The following CSNK1D variants were observed in gnomAD, a reference collection of about 807,000 sequenced individuals.
CSNK1D encodes the protein casein kinase 1 delta, also known as casein kinase I isoform delta.
A neutral mutation model predicts 46.6 loss-of-function variants in CSNK1D; 16 were observed. The ratio of observed to expected loss-of-function variants is 0.34; its 90% CI spans 0.23 to 0.52. CSNK1D has a LOEUF of 0.52. CSNK1D is among the 20% of genes least tolerant of loss of function. The probability of loss-of-function intolerance (pLI) is 0.95; values close to 1 mark genes in which losing one functional copy is unlikely to be tolerated. For missense variants in CSNK1D, 398 were observed against 578.4 expected (o/e 0.69, Z 3.20); for synonymous variants, 276 against 228.2 (o/e 1.21, Z -1.89).
intron 2 of CSNK1D, among the ~76,000 whole-genome samples, chr17:82,263,139 C>A (rs1378439734): frequency 6.6e-6 from 1 of 152,158 alleles, no homozygotes; most frequent in African/African-American, 2.4e-5. Context: ...AAGATTGCGC[C>A]ATTGCACTCC....
chr17:82,255,881 G>A lies in CSNK1D; in HGVS notation c.188-304C>T, dbSNP rs2051163319. Among the ~76,000 whole-genome samples the A allele has an allele frequency of 6.6e-6, 1 of 152,228 alleles. No homozygotes were observed. The highest frequency in any genetic ancestry group is 6.5e-5 in the Admixed American group (1 of 15,270). On this transcript the variant is annotated intron_variant, in intron 2 of 8. Coordinates refer to ENST00000314028, the MANE Select transcript of CSNK1D (RefSeq NM_001893.6). This position sits in a 1 kb window ranked among gnomAD's most constrained non-coding sequence, Gnocchi z 5.9. ...CGTCTTCTAGGGCAGGGGGGCAGGAGACACAGAAAGCAGCCACGATGTGGG... is the reference window on the plus strand; with the variant it reads ...CGTCTTCTAGGGCAGGGGGGCAGGAAACACAGAAAGCAGCCACGATGTGGG...
intron 8 of CSNK1D, chr17:82,246,515 A>C (rs1257672242): frequency 1.6e-5 from 17 of 1,062,958 alleles, no homozygotes; most frequent in Non-Finnish European, 1.9e-5. Context: ...CCCCAAACAG[A>C]CTCAGCAACT....
chr17:82,240,004 C>T (rs543072663), downstream of CSNK1D: 106 of 1,233,770 alleles, frequency 8.6e-5, no homozygotes, highest in East Asian at 4.1e-4. Context: ...GCGCTGGGGA[C>T]GGCAGCGGGT....
At position 82,248,012 on chromosome 17, in the gene CSNK1D, G is replaced by A. The variant is rs1378670736; in HGVS notation, c.1197+863C>T. The A allele has an allele frequency of 2.0e-6, 2 of 985,322 alleles. No homozygotes were observed. Among genetic ancestry groups the A allele is most frequent in the Non-Finnish European group, 2.4e-6 (2 of 829,974 alleles). The allele number at this position is 985,322 out of a possible 1,614,324, so 61.0% of individuals were successfully genotyped here. On this transcript the variant is annotated intron_variant, in intron 8 of 8. Coordinates refer to ENST00000314028, the MANE Select transcript of CSNK1D (RefSeq NM_001893.6). The surrounding 1 kb of genome is among the most constrained non-coding windows in gnomAD (Gnocchi z 4.1). ...ACGGCAGCAGGCCTGGCTCCATCCT[G>A]TGATCCCAACAAACACCTCCCCACA...
rs543509982 is a variant in CSNK1D, at chr17:82,250,169, G to A, written c.886-567C>T. ...GGGTGGGGAGGTCAGATTTTAAGCC[G>A]AGACAGCAACCTATGAAAAAGCAGA... On this transcript the variant is annotated intron_variant, in intron 6 of 8. Transcript: ENST00000314028. This position sits in a 1 kb window ranked among gnomAD's most constrained non-coding sequence, Gnocchi z 4.6. 1.3e-5 allele frequency: 17 copies of A among 1,289,982 alleles called. No individual in the cohort carries two copies. In the East Asian group the frequency reaches 1.7e-4, roughly 13 times the overall value. 79.9% of individuals were successfully genotyped at this position (1,289,982 alleles called of 1,614,324 possible). A position where few individuals can be genotyped will look rare whatever the true frequency, so the allele number is the denominator to read the frequency against.
intron 2 of CSNK1D, among the ~76,000 whole-genome samples, chr17:82,264,441 G>A (rs1487777535): frequency 2.0e-5 from 3 of 152,210 alleles, no homozygotes; most frequent in Admixed American, 1.3e-4. Context: ...CGCAAGAGCT[G>A]GACTCTGAGG....
rs17849769 is a variant in CSNK1D, at chr17:82,248,995, G to A, written c.1077C>T (p.Pro359=). 0.024 allele frequency: 37,561 copies of A among 1,564,772 alleles called. 541 individuals carry two copies. Among genetic ancestry groups the A allele is most frequent in the Middle Eastern group, 0.085 (512 of 6,000 alleles). The change falls in exon 8 of 9, where the codon CCC becomes CCT. Residue 359 remains proline (P), a synonymous_variant. Transcript: ENST00000314028. This position sits in a 1 kb window ranked among gnomAD's most constrained non-coding sequence, Gnocchi z 4.1. ...TCCGCTCTCTCTCCATGCCGGAGACGGGCCGGGGGGAGGTGTTAGCTGAGG... is the reference window on the plus strand; with the variant it reads ...TCCGCTCTCTCTCCATGCCGGAGACAGGCCGGGGGGAGGTGTTAGCTGAGG... ...TSHTANTSPR[P]VSGMERERKV...
downstream of CSNK1D, among the ~76,000 whole-genome samples, chr17:82,241,417 C>G (rs1358777897): frequency 6.6e-6 from 1 of 152,248 alleles, no homozygotes; most frequent in Non-Finnish European, 1.5e-5. Flanking sequence ...CCTGAGGACA[C>G]AGACCCAGCC....
intron 2 of CSNK1D, among the ~76,000 whole-genome samples, chr17:82,259,002 C>G (rs2051256920): frequency 6.6e-6 from 1 of 152,192 alleles, no homozygotes; most frequent in Non-Finnish European, 1.5e-5. Flanking sequence ...ATTCTAGTCA[C>G]CTTGTCAGGA....
At chr17:82,264,341 CTGT>C (rs1178838973) in intron 2 of CSNK1D, among the ~76,000 whole-genome samples, 14 of 152,354 alleles carry the variant, frequency 9.2e-5, no homozygotes, top group Admixed American at 9.1e-4. Context: ...CGAAGCTCTG[CTGT>C]TGAGACACAC....
intron 2 of CSNK1D, among the ~76,000 whole-genome samples, chr17:82,256,566 C>T (rs2051180643): frequency 6.6e-6 from 1 of 151,844 alleles, no homozygotes; most frequent in African/African-American, 2.4e-5. Flanking sequence ...CTGGACACTT[C>T]ACCCAAGACG....
chr17:82,260,231 T>C lies in CSNK1D; in HGVS notation c.188-4654A>G, dbSNP rs113802006. Among the ~76,000 whole-genome samples the C allele has an allele frequency of 1.1e-3, 170 of 149,844 alleles. 1 individual carries two copies. Among genetic ancestry groups the C allele is most frequent in the East Asian group, 3.2e-3 (16 of 5,076 alleles). Reference sequence around the variant, plus strand: ...CTGACTGATGTGACTGATGGTGTACTGAGTGATGTGACTGATGGTATACCG... The same window carrying C: ...CTGACTGATGTGACTGATGGTGTACCGAGTGATGTGACTGATGGTATACCG... On this transcript the variant is annotated intron_variant, in intron 2 of 8. Transcript: ENST00000314028.
intron 8 of CSNK1D, chr17:82,246,722 C>T: frequency 2.0e-6 from 2 of 992,398 alleles, no homozygotes; most frequent in Non-Finnish European, 2.4e-6. Context: ...CAGCCACGGC[C>T]AGCAAGCCCT....
chr17:82,241,118 TGGGGTG>T (rs1310784522), downstream of CSNK1D, among the ~76,000 whole-genome samples: 4 of 121,100 alleles, frequency 3.3e-5, no homozygotes, highest in Admixed American at 8.3e-5. Context: ...CACTGCTACT[TGGGGTG>T]GGGGTGGGGG....
At chr17:82,241,403 C>T (rs571282606), downstream of CSNK1D, among the ~76,000 whole-genome samples, 2 of 152,366 alleles carry the variant, frequency 1.3e-5, no homozygotes, top group African/African-American at 4.8e-5. Context: ...GCGTCTAAAC[C>T]ATGCCTGAGG....
intron 2 of CSNK1D, among the ~76,000 whole-genome samples, chr17:82,260,706 T>TG (rs2051315827): frequency 7.0e-6 from 1 of 142,866 alleles, no homozygotes; most frequent in African/African-American, 2.9e-5. Flanking sequence ...TACTGACTGA[T>TG]GTGACTGATG....
Position 82,248,722 on chromosome 17 carries a change from T to TCTGCAAC in CSNK1D, c.1197+146_1197+152dup. On this transcript the variant is annotated intron_variant, in intron 8 of 8. Coordinates refer to ENST00000314028, the MANE Select transcript of CSNK1D (RefSeq NM_001893.6). This position sits in a 1 kb window ranked among gnomAD's most constrained non-coding sequence, Gnocchi z 4.1. ...TCCCAGGCCCTCCCGAGAAGCCTCA[T>TCTGCAAC]CTGCAACCAAGACGCCACACCCTGG... 6.8e-7 allele frequency: 1 copy of TCTGCAAC among 1,468,346 alleles called. No homozygotes were observed. The highest frequency in any genetic ancestry group is 9.0e-7 in the Non-Finnish European group (1 of 1,110,928). The allele number at this position is 1,468,346 out of a possible 1,614,324, so 91.0% of individuals were successfully genotyped here. A position where few individuals can be genotyped will look rare whatever the true frequency, so the allele number is the denominator to read the frequency against.
chr17:82,245,559 G>C (rs1009777984), intron 8 of CSNK1D: 40 of 275,250 alleles, frequency 1.5e-4, no homozygotes, highest in Non-Finnish European at 2.8e-4. Context: ...CCAACACCAA[G>C]CGTGGAGCCA....
downstream of CSNK1D, chr17:82,242,652 G>A (rs373926412): frequency 5.1e-6 from 5 of 985,174 alleles, no homozygotes; most frequent in African/African-American, 8.7e-5. Flanking sequence ...AGACCACATG[G>A]AAAGGGGAGG....
Sources: allele counts gnomAD v4.1 joint callset (sites outside exome capture counted in the v4.1 genomes callset), GRCh38; gene constraint gnomAD v4.1.1; non-coding constraint Gnocchi (gnomAD v3.1); transcripts MANE v1.5; gene names NCBI Gene and HGNC (gene_info 2026-07-23, HGNC 2026-07-21).